Variants in KCNIP4 observed in about 807,000 individuals in gnomAD.
KCNIP4 encodes the protein potassium voltage-gated channel interacting protein 4, also known as Kv channel-interacting protein 4.
A neutral mutation model predicts 34.0 loss-of-function variants in KCNIP4; 12 were observed. The ratio of observed to expected loss-of-function variants is 0.35; its 90% CI spans 0.23 to 0.57. The LOEUF is 0.57. Among genes scored for constraint, KCNIP4 ranks in the 20% least tolerant of loss-of-function variants. The pLI, the probability that KCNIP4 is intolerant of heterozygous loss-of-function variation, is 0.83. For synonymous variants in KCNIP4, 124 were observed against 102.2 expected (o/e 1.21, Z -1.29); for missense variants, 238 against 311.7 (o/e 0.76, Z 1.78).
chr4:21,566,527 C>T (rs962105087), intron 1 of KCNIP4, among the ~76,000 whole-genome samples: 3 of 152,098 alleles, frequency 2.0e-5, no homozygotes, highest in African/African-American at 7.2e-5. Context: ...TCCCCATTCG[C>T]CATCCACCAT....
intron 1 of KCNIP4, among the ~76,000 whole-genome samples, chr4:21,761,629 C>G (rs1718059745): frequency 1.2e-5 from 1 of 84,342 alleles, no homozygotes; most frequent in Non-Finnish European, 2.5e-5. Context: ...AAAACAAGTA[C>G]AAAAAAGCAA....
intron 1 of KCNIP4, among the ~76,000 whole-genome samples, chr4:21,127,041 T>G (rs887760818): frequency 6.6e-6 from 1 of 152,184 alleles, no homozygotes; most frequent in Non-Finnish European, 1.5e-5. Flanking sequence ...CCAAGTTGTT[T>G]TCACCTCTGG....
intron 1 of KCNIP4, among the ~76,000 whole-genome samples, chr4:21,105,052 G>C (rs1405405971): frequency 6.6e-6 from 1 of 151,604 alleles, no homozygotes; most frequent in Non-Finnish European, 1.5e-5. Context: ...TTGTTCTTTT[G>C]GCTTAGGATT....
intron 1 of KCNIP4, among the ~76,000 whole-genome samples, chr4:21,718,279 AAC>A (rs1431134675): frequency 6.6e-6 from 1 of 152,214 alleles, no homozygotes; most frequent in African/African-American, 2.4e-5. Flanking sequence ...TTTTCTGCAA[AAC>A]ACAGTTATGT....
At chr4:20,978,077 GT>G (rs1454558564) in intron 1 of KCNIP4, among the ~76,000 whole-genome samples, 3 of 152,128 alleles carry the variant, frequency 2.0e-5, no homozygotes, top group Admixed American at 6.5e-5. Flanking sequence ...AATTGAAAGT[GT>G]TGCTTTTCCA....
At chr4:21,178,012 A>G (rs1008458617) in intron 1 of KCNIP4, among the ~76,000 whole-genome samples, 1 of 152,068 alleles carries the variant, frequency 6.6e-6, no homozygotes, top group Non-Finnish European at 1.5e-5. Flanking sequence ...AGACAAATCT[A>G]TTAGCATGCC....
chr4:21,478,000 C>T (rs1303264714), intron 1 of KCNIP4, among the ~76,000 whole-genome samples: 1 of 152,156 alleles, frequency 6.6e-6, no homozygotes, highest in East Asian at 1.9e-4. Context: ...TGTATCTAGC[C>T]TGTTAGTGTC....
intron 1 of KCNIP4, among the ~76,000 whole-genome samples, chr4:21,170,996 C>T (rs1032981917): frequency 7.9e-5 from 12 of 152,116 alleles, no homozygotes; most frequent in Non-Finnish European, 1.5e-4. Context: ...GCCAATTATA[C>T]AGCTCTTTTT....
chr4:20,884,305 C>T (rs1174252137), intron 1 of KCNIP4, among the ~76,000 whole-genome samples: 1 of 152,088 alleles, frequency 6.6e-6, no homozygotes, highest in East Asian at 1.9e-4. Flanking sequence ...GTTTCCTGCA[C>T]CTATCAGCCC....
intron 1 of KCNIP4, among the ~76,000 whole-genome samples, chr4:21,463,737 A>AAT (rs1729678877): frequency 6.6e-6 from 1 of 152,024 alleles, no homozygotes; most frequent in African/African-American, 2.4e-5. Context: ...TGGGTTTGGA[A>AAT]ATATTCCTTT....
At chr4:20,989,217 T>TA (rs1445572229) in intron 1 of KCNIP4, among the ~76,000 whole-genome samples, 2 of 152,252 alleles carry the variant, frequency 1.3e-5, no homozygotes, top group Admixed American at 1.3e-4. Flanking sequence ...CAGTTTAATT[T>TA]ACAGGGTCCA....
At chr4:21,628,533 A>G (rs149618611) in intron 1 of KCNIP4, among the ~76,000 whole-genome samples, 161 of 152,342 alleles carry the variant, frequency 1.1e-3, no homozygotes, top group Admixed American at 2.4e-3. Context: ...GCTGAGAGCA[A>G]GACGGTCTCT....
At chr4:20,979,429 C>T (rs1412995916) in intron 1 of KCNIP4, among the ~76,000 whole-genome samples, 2 of 143,664 alleles carry the variant, frequency 1.4e-5, no homozygotes, top group Non-Finnish European at 3.0e-5. Context: ...GATGGAGTCT[C>T]ACTCTGTCGC....
chr4:21,195,944 A>G (rs1342523747), intron 1 of KCNIP4, among the ~76,000 whole-genome samples: 1 of 151,586 alleles, frequency 6.6e-6, no homozygotes, highest in East Asian at 1.9e-4. Flanking sequence ...CCTGCAAGGA[A>G]GCAGTCAGCG....
chr4:21,342,100 C>T (rs1302873880), intron 1 of KCNIP4, among the ~76,000 whole-genome samples: 3 of 152,100 alleles, frequency 2.0e-5, no homozygotes, highest in African/African-American at 7.2e-5. Flanking sequence ...TGGAAGCATG[C>T]TTGCAAAGCT....
chr4:21,891,187 C>T (rs57592786), intron 1 of KCNIP4, among the ~76,000 whole-genome samples: 34,471 of 151,918 alleles, frequency 0.23, 4,366 homozygotes, highest in Non-Finnish European at 0.29. Context: ...GGGTTGACCA[C>T]TCTTGGATTT....
rs182369371 is a variant in KCNIP4, at chr4:21,792,150, T to C, written c.61+156421A>G. Among the ~76,000 whole-genome samples the C allele has an allele frequency of 2.0e-5, 3 of 151,930 alleles. No homozygotes were observed. The East Asian group carries it at 5.8e-4, about 29-fold the overall frequency. On this transcript the variant is annotated intron_variant, in intron 1 of 8. Coordinates refer to ENST00000382152, the MANE Select transcript of KCNIP4 (RefSeq NM_025221.6). ...TGCTTATTTATCTCTCTTGTTTCTCTCTCTCAATAGACCCTAAGTTTCACA... is the reference window on the plus strand; with the variant it reads ...TGCTTATTTATCTCTCTTGTTTCTCCCTCTCAATAGACCCTAAGTTTCACA...
chr4:21,624,253 T>C (rs1745176406), intron 1 of KCNIP4, among the ~76,000 whole-genome samples: 4 of 152,320 alleles, frequency 2.6e-5, no homozygotes, highest in Middle Eastern at 6.8e-3. Context: ...CTCATAGGGC[T>C]TTTGTGGGAA....
At chr4:21,147,706 A>G (rs1311261332) in intron 1 of KCNIP4, among the ~76,000 whole-genome samples, 1 of 152,078 alleles carries the variant, frequency 6.6e-6, no homozygotes, top group Non-Finnish European at 1.5e-5. Context: ...TGGGAGGCCA[A>G]GGTGGGTGGA....
Sources: allele counts gnomAD v4.1 joint callset (sites outside exome capture counted in the v4.1 genomes callset), GRCh38; gene constraint gnomAD v4.1.1; transcripts MANE v1.5; gene names NCBI Gene and HGNC (gene_info 2026-07-23, HGNC 2026-07-21).